AGMO: variants seen among roughly 807,000 people sequenced by gnomAD.
The protein encoded by AGMO is alkylglycerol monooxygenase.
A neutral mutation model predicts 60.2 loss-of-function variants in AGMO; 75 were observed. The ratio of observed to expected loss-of-function variants is 1.25; its 90% confidence interval spans 1.03 to 1.51. AGMO has a LOEUF of 1.51. Ranked by LOEUF, AGMO falls within the 40% of genes most tolerant of loss-of-function variation. AGMO has a pLI of 0.00. For missense variants in AGMO, 763 were observed against 525.5 expected (o/e 1.45, Z -4.42); for synonymous variants, 261 against 177.1 (o/e 1.47, Z -3.76).
At chr7:15,378,437 C>G (rs1783538102) in intron 10 of AGMO, among the ~76,000 whole-genome samples, 2 of 151,858 alleles carry the variant, frequency 1.3e-5, no homozygotes, top group African/African-American at 4.8e-5. Flanking sequence ...TTCTGTTTTC[C>G]AATTGCTTGG....
Position 15,529,824 on chromosome 7 carries a change from C to CAT in AGMO, c.409+14946_409+14947dup, listed in dbSNP as rs1386846027. Among the ~76,000 whole-genome samples the CAT allele has an allele frequency of 1.7e-4, 5 of 28,962 alleles. 2 individuals carry two copies. The highest frequency in any genetic ancestry group is 1.1e-3 in the African/African-American group (5 of 4,676). The allele number at this position is 28,962 out of a possible 152,430, so 19.0% of individuals were successfully genotyped here. A position where few individuals can be genotyped will look rare whatever the true frequency, so the allele number is the denominator to read the frequency against. ...TATATATATTCTATATATATATTTC[C>CAT]ATATATATTCTATATACATATTTCC... On this transcript the variant is annotated intron_variant, in intron 3 of 12. Coordinates refer to ENST00000342526, the MANE Select transcript of AGMO (RefSeq NM_001004320.2).
At chr7:15,411,573 T>A (rs1408406859) in intron 5 of AGMO, among the ~76,000 whole-genome samples, 1 of 152,052 alleles carries the variant, frequency 6.6e-6, no homozygotes, top group East Asian at 1.9e-4. Context: ...CATATTAAAG[T>A]TTTTATAATC....
In AGMO at chr7:15,312,414, T is replaced by C. The variant is rs372323126; in HGVS notation, c.1263+53100A>G. Among the ~76,000 whole-genome samples the C allele has an allele frequency of 5.9e-5, 9 of 151,980 alleles. No individual in the cohort carries two copies. In the South Asian group the frequency reaches 8.3e-4, roughly 14 times the overall value. On this transcript the variant is annotated intron_variant, in intron 12 of 12. Transcript: ENST00000342526. The stretch of plus-strand genomic sequence containing the variant: ...TAAAAGGCAAGTTTCCTTTAAGTAA[T>C]TGAGTGTTAGAATGAGGGCTGACCT...
chr7:15,170,224 T>G, the AGMO span, among the ~76,000 whole-genome samples: 2 of 152,228 alleles, frequency 1.3e-5, no homozygotes. Flanking sequence ...CCCAGAGCTC[T>G]GACTTTTGCA....
the AGMO span, among the ~76,000 whole-genome samples, chr7:15,193,051 G>A: frequency 6.6e-6 from 1 of 151,896 alleles, no homozygotes; most frequent in Non-Finnish European, 1.5e-5. Flanking sequence ...TTTCTAATAT[G>A]GTGTTATTAT....
In AGMO at chr7:15,394,479, G is replaced by T. The variant is rs376815041; in HGVS notation, c.610-300C>A. On this transcript the variant is annotated intron_variant, in intron 5 of 12. Coordinates refer to ENST00000342526, the MANE Select transcript of AGMO (RefSeq NM_001004320.2). ...TGTGTGATCCTGGGGAAACGACTAGGTTTTCATATCTCAATTTTCTCATCT... is the reference window on the plus strand; with the variant it reads ...TGTGTGATCCTGGGGAAACGACTAGTTTTTCATATCTCAATTTTCTCATCT... 9.2e-5 allele frequency among the ~76,000 whole-genome samples: 14 copies of T among 152,204 alleles called. No homozygotes were observed. The East Asian group carries it at 1.2e-3, about 13-fold the overall frequency.
At chr7:15,397,113 A>G (rs912045212) in intron 5 of AGMO, among the ~76,000 whole-genome samples, 2 of 152,134 alleles carry the variant, frequency 1.3e-5, no homozygotes, top group Admixed American at 1.3e-4. Flanking sequence ...ACTTTGCGGT[A>G]CCTATCCTGG....
At chr7:15,398,338 G>A (rs75531750) in intron 5 of AGMO, among the ~76,000 whole-genome samples, 2,009 of 152,172 alleles carry the variant, frequency 0.013, 35 homozygotes, top group African/African-American at 0.047. Context: ...CTAAAGCACG[G>A]TGATAACAAT....
At position 15,492,792 on chromosome 7, in the gene AGMO, G is replaced by T. The variant is rs536498062; in HGVS notation, c.409+51980C>A. Among the ~76,000 whole-genome samples the T allele has an allele frequency of 4.6e-5, 7 of 152,142 alleles. No homozygotes were observed. The East Asian group carries it at 1.4e-3, about 29-fold the overall frequency. On this transcript the variant is annotated intron_variant, in intron 3 of 12. Transcript: ENST00000342526. ...GGAAGGTGGGGAGAAAGAGAAAAAGGGGAAGGAAGATGCTTCTGCAATCCT... is the reference window on the plus strand; with the variant it reads ...GGAAGGTGGGGAGAAAGAGAAAAAGTGGAAGGAAGATGCTTCTGCAATCCT...
intron 6 of AGMO, among the ~76,000 whole-genome samples, chr7:15,392,862 C>G (rs577509015): frequency 1.3e-5 from 2 of 152,142 alleles, no homozygotes; most frequent in African/African-American, 4.8e-5. Flanking sequence ...TACTGAACAT[C>G]ATAGCTTCGC....
At chr7:15,447,831 C>T (rs1325907032) in intron 3 of AGMO, among the ~76,000 whole-genome samples, 8 of 152,032 alleles carry the variant, frequency 5.3e-5, no homozygotes, top group Admixed American at 3.9e-4. Context: ...GGAGTATAGG[C>T]GTGAGCCACC....
chr7:15,259,379 T>C (rs1418808737), intron 12 of AGMO, among the ~76,000 whole-genome samples: 4 of 151,800 alleles, frequency 2.6e-5, no homozygotes, highest in South Asian at 2.1e-4. Flanking sequence ...AATTGACAAA[T>C]GAACAAAACC....
At chr7:15,520,107 T>C (rs1039999556) in intron 3 of AGMO, among the ~76,000 whole-genome samples, 21 of 151,790 alleles carry the variant, frequency 1.4e-4, no homozygotes, top group African/African-American at 4.8e-4. Flanking sequence ...AAGAAGGGCA[T>C]CATATAATGG....
intron 12 of AGMO, among the ~76,000 whole-genome samples, chr7:15,229,691 T>TAA (rs915955082): frequency 6.9e-6 from 1 of 144,380 alleles, no homozygotes; most frequent in African/African-American, 2.6e-5. Context: ...CACATATATA[T>TAA]AACTAATTAT....
intron 3 of AGMO, among the ~76,000 whole-genome samples, chr7:15,527,164 A>C (rs754911261): frequency 6.6e-6 from 1 of 152,204 alleles, no homozygotes; most frequent in Non-Finnish European, 1.5e-5. Context: ...AGAAATGATT[A>C]AGCTTAAGAA....
the AGMO span, among the ~76,000 whole-genome samples, chr7:15,191,386 A>C: frequency 0.011 from 1,734 of 152,276 alleles, 24 homozygotes; most frequent in African/African-American, 0.04. Context: ...ACTTGTGTAC[A>C]TACCAGAACG....
intron 3 of AGMO, among the ~76,000 whole-genome samples, chr7:15,512,379 A>T (rs1241709419): frequency 6.6e-6 from 1 of 152,050 alleles, no homozygotes; most frequent in Non-Finnish European, 1.5e-5. Context: ...CAGCTTTTCA[A>T]GTAGCTGGGA....
intron 12 of AGMO, among the ~76,000 whole-genome samples, chr7:15,358,781 C>A (rs576356929): frequency 6.6e-6 from 1 of 152,284 alleles, no homozygotes; most frequent in South Asian, 2.1e-4. Context: ...GACAAGGAAG[C>A]GCCTCTCTGA....
intron 12 of AGMO, among the ~76,000 whole-genome samples, chr7:15,240,672 C>T (rs1284163013): frequency 6.6e-6 from 1 of 152,106 alleles, no homozygotes; most frequent in Admixed American, 6.5e-5. Flanking sequence ...TTCCACATTT[C>T]TAATAAATAC....
Sources: gnomAD v4.1 joint callset for allele counts (sites outside exome capture counted in the v4.1 genomes callset) on GRCh38, gnomAD v4.1.1 for gene constraint, MANE v1.5 for transcripts, NCBI Gene and HGNC (gene_info 2026-07-23, HGNC 2026-07-21) for gene names.